MAMDC2: variants seen among roughly 807,000 people sequenced by gnomAD.
MAMDC2 encodes the protein MAM domain containing 2.
In MAMDC2, 57 loss-of-function variants were observed where a neutral mutation model predicts 89.8. The observed-to-expected ratio is 0.63, with a 90% confidence interval of 0.51 to 0.79. MAMDC2 has a LOEUF of 0.79. Among genes scored for constraint, MAMDC2 ranks in the 30% least tolerant of loss-of-function variants. The pLI is 0.00. For missense variants in MAMDC2, 800 were observed against 820.6 expected (o/e 0.97, Z 0.31); for synonymous variants, 313 against 293.4 (o/e 1.07, Z -0.68).
Position 70,206,029 on chromosome 9 carries a change from A to C in MAMDC2, c.1652-12308A>C, listed in dbSNP as rs56325217. Among the ~76,000 whole-genome samples the C allele has an allele frequency of 4.3e-3, 650 of 152,340 alleles. 1 individual carries two copies. The highest frequency in any genetic ancestry group is 5.6e-3 in the Non-Finnish European group (383 of 68,028). On this transcript the variant is annotated intron_variant, in intron 11 of 13. Coordinates refer to ENST00000377182, the MANE Select transcript of MAMDC2 (RefSeq NM_153267.5). ...AAACGAATGACTGGTTTGTGCATCAAAGGGGCATACTCTGATTCATTGGTA... is the reference window on the plus strand; with the variant it reads ...AAACGAATGACTGGTTTGTGCATCACAGGGGCATACTCTGATTCATTGGTA...
chr9:70,135,154 C>T (rs2030957522), intron 7 of MAMDC2, among the ~76,000 whole-genome samples: 1 of 152,210 alleles, frequency 6.6e-6, no homozygotes, highest in African/African-American at 2.4e-5. Flanking sequence ...CTAAACCTTA[C>T]ATTATGATGC....
chr9:70,188,745 G>A (rs1052901677), intron 11 of MAMDC2: 1 of 131,782 alleles, frequency 7.6e-6, no homozygotes, highest in Non-Finnish European at 1.6e-5. Context: ...AACACTGAGA[G>A]GTGATCAAAA....
intron 2 of MAMDC2, among the ~76,000 whole-genome samples, chr9:70,104,861 T>G (rs1436202723): frequency 2.6e-5 from 4 of 152,182 alleles, no homozygotes; most frequent in Non-Finnish European, 5.9e-5. Flanking sequence ...TGGAATTAGA[T>G]AGTGGTGATG....
At chr9:70,125,900 G>C (rs935263988) in intron 5 of MAMDC2, among the ~76,000 whole-genome samples, 7 of 152,190 alleles carry the variant, frequency 4.6e-5, no homozygotes, top group African/African-American at 1.7e-4. Context: ...TATTTTACTT[G>C]AATCAAAAGT....
chr9:70,113,021 T>C lies in MAMDC2; in HGVS notation c.532T>C (p.Cys178Arg), dbSNP rs374508744. The C allele has an allele frequency of 6.2e-7, 1 of 1,614,170 alleles. No individual in the cohort carries two copies. Among genetic ancestry groups the C allele is most frequent in the Non-Finnish European group, 8.5e-7 (1 of 1,179,996 alleles). The change falls in exon 5 of 14, where the codon TGT becomes CGT. Residue 178 changes from cysteine to arginine, a missense_variant. By Grantham distance (180) the Cys-to-Arg change is radical. Coordinates refer to ENST00000377182, the MANE Select transcript of MAMDC2 (RefSeq NM_153267.5). ...ATGTGACTTTGAAGAAAATCATCTC[T>C]GTGGCTTTGTGAACCGCTGGAATCC... ...IECDFEENHLCGFVNRWNPNV... is the reference protein window; with the variant it reads ...IECDFEENHLRGFVNRWNPNV...
intron 11 of MAMDC2, among the ~76,000 whole-genome samples, chr9:70,214,464 A>G (rs927008248): frequency 1.3e-5 from 2 of 152,242 alleles, no homozygotes; most frequent in Non-Finnish European, 2.9e-5. Flanking sequence ...GGAATGAGAC[A>G]GGTAAGAGAA....
intron 2 of MAMDC2, among the ~76,000 whole-genome samples, chr9:70,094,871 G>A (rs1295247015): frequency 6.6e-6 from 1 of 152,230 alleles, no homozygotes; most frequent in East Asian, 1.9e-4. Context: ...TTTGGAGGTA[G>A]AGATTAGCAA....
chr9:70,069,415 T>C (rs568877310), intron 2 of MAMDC2, among the ~76,000 whole-genome samples: 1 of 152,326 alleles, frequency 6.6e-6, no homozygotes, highest in East Asian at 1.9e-4. Context: ...GCTAACGTAA[T>C]GTTAACATAA....
At chr9:70,220,832 T>C (rs1214464212) in intron 12 of MAMDC2, among the ~76,000 whole-genome samples, 2 of 152,208 alleles carry the variant, frequency 1.3e-5, no homozygotes, top group Non-Finnish European at 2.9e-5. Context: ...TTATACATTC[T>C]CAAAATGGGG....
rs150464588 is a variant in MAMDC2 at position 70,073,823 on chromosome 9, T to C, written c.148+29126T>C. Among the ~76,000 whole-genome samples, 588 of 152,308 alleles carry C rather than the reference T, an allele frequency of 3.9e-3. 2 individuals are homozygous for C. The highest frequency in any genetic ancestry group is 0.014 in the African/African-American group (562 of 41,558). ...TCATTCCAGTCCTGATGGTGTCTTA[T>C]CCATGTTTGTCTCTTCTACATCTTA... On this transcript the variant is annotated intron_variant, in intron 2 of 13. Coordinates refer to ENST00000377182, the MANE Select transcript of MAMDC2 (RefSeq NM_153267.5).
At chr9:70,108,547 T>C in intron 3 of MAMDC2, 65 bp downstream of exon 3, 5 of 1,415,372 alleles carry the variant, frequency 3.5e-6, no homozygotes, top group Non-Finnish European at 4.7e-6. Context: ...TCTAAAATCT[T>C]ATGAAAACTT....
intron 2 of MAMDC2, among the ~76,000 whole-genome samples, chr9:70,084,365 T>G (rs942325817): frequency 2.0e-5 from 3 of 152,110 alleles, no homozygotes; most frequent in African/African-American, 7.2e-5. Flanking sequence ...AAAATCTGTT[T>G]TGTTTACAGC....
intron 1 of MAMDC2, 70 bp downstream of exon 1, chr9:70,044,301 G>A (rs1826678854): frequency 3.2e-6 from 5 of 1,542,940 alleles, no homozygotes; most frequent in Non-Finnish European, 4.4e-6. Flanking sequence ...CTGCCCCCGG[G>A]GGTCCGGCTC....
In MAMDC2 at chr9:70,226,355, C is replaced by G. The variant is rs2033639736; in HGVS notation, c.*323C>G. The G allele has an allele frequency of 6.0e-6, 1 of 165,872 alleles. No individual in the cohort carries two copies. The highest frequency in any genetic ancestry group is 1.3e-5 in the Non-Finnish European group (1 of 77,196). 10.3% of individuals were successfully genotyped at this position (165,872 alleles called of 1,614,324 possible). On this transcript the variant is annotated 3_prime_UTR_variant, in exon 14 of 14. Transcript: ENST00000377182. ...AAGGGCACAATCAAAATGAGATGCA[C>G]TCATTTAAATCTGCATTCAGTGAAT... is the stretch of plus-strand genomic sequence containing the variant.
intron 11 of MAMDC2, among the ~76,000 whole-genome samples, chr9:70,192,986 G>A (rs1261442347): frequency 6.6e-6 from 1 of 152,036 alleles, no homozygotes; most frequent in Non-Finnish European, 1.5e-5. Context: ...GGAGGATGAG[G>A]ACCCTTACAT....
chr9:70,189,653 T>C (rs1230168445), intron 11 of MAMDC2, among the ~76,000 whole-genome samples: 1 of 152,128 alleles, frequency 6.6e-6, no homozygotes, highest in Non-Finnish European at 1.5e-5. Flanking sequence ...TTTTGGCTAT[T>C]AATTTTTCAA....
chr9:70,163,479 G>C (rs566795912), intron 9 of MAMDC2, among the ~76,000 whole-genome samples: 1 of 151,974 alleles, frequency 6.6e-6, no homozygotes, highest in Admixed American at 6.6e-5. Context: ...CGCCTGCCTT[G>C]GCCTCCCAAA....
intron 11 of MAMDC2, among the ~76,000 whole-genome samples, chr9:70,189,639 A>T (rs1587555575): frequency 6.6e-6 from 1 of 152,040 alleles, no homozygotes; most frequent in Non-Finnish European, 1.5e-5. Context: ...CAGGTTTGAA[A>T]AGGTTTTGGC....
intron 2 of MAMDC2, chr9:70,086,753 C>T (rs1482937906): frequency 6.6e-6 from 1 of 152,144 alleles, no homozygotes; most frequent in Non-Finnish European, 1.5e-5. Flanking sequence ...ATATTATTAA[C>T]CAGGCACTAC....
Sources: allele counts gnomAD v4.1 joint callset (sites outside exome capture counted in the v4.1 genomes callset), GRCh38; gene constraint gnomAD v4.1.1; transcripts MANE v1.5; gene names NCBI Gene and HGNC (gene_info 2026-07-23, HGNC 2026-07-21).